SEMA6D: variants seen among roughly 807,000 people sequenced by gnomAD.
The protein encoded by SEMA6D is semaphorin-6D.
Under a neutral mutation model 106.6 loss-of-function variants are expected in SEMA6D, and 35 were observed. That is an observed-to-expected ratio of 0.33 (90% CI 0.25 to 0.44). The LOEUF (loss-of-function observed/expected upper bound fraction) is 0.44. Among genes scored for constraint, SEMA6D ranks in the 20% least tolerant of loss-of-function variants. The pLI, the probability that SEMA6D is intolerant of heterozygous loss-of-function variation, is 1.00. For synonymous variants in SEMA6D, 499 were observed against 487.7 expected (o/e 1.02, Z -0.31); for missense variants, 1,185 against 1,345.9 (o/e 0.88, Z 1.87).
intron 2 of SEMA6D, among the ~76,000 whole-genome samples, chr15:47,447,105 C>T (rs554328569): frequency 1.3e-5 from 2 of 152,136 alleles, no homozygotes; most frequent in Non-Finnish European, 2.9e-5. Flanking sequence ...TGGGCACGTG[C>T]TCTCCTCCAG....
At chr15:47,255,410 A>AT (rs574320275) in intron 1 of SEMA6D, among the ~76,000 whole-genome samples, 151 of 150,980 alleles carry the variant, frequency 1.0e-3, no homozygotes, top group South Asian at 1.9e-3. Context: ...ATTGATCTTT[A>AT]TTTTTTTAAT....
intron 1 of SEMA6D, among the ~76,000 whole-genome samples, chr15:47,749,207 G>A (rs1032616284): frequency 4.0e-5 from 6 of 150,750 alleles, no homozygotes; most frequent in Admixed American, 6.6e-5. Flanking sequence ...TCAGCCTTCC[G>A]AGTAGCTGGG....
chr15:47,315,157 C>T (rs182963838), intron 1 of SEMA6D, among the ~76,000 whole-genome samples: 4 of 152,202 alleles, frequency 2.6e-5, no homozygotes, highest in East Asian at 1.9e-4. Context: ...TGAGCCACCG[C>T]GCCCGGCCCT....
chr15:47,666,426 A>G (rs549153834), intron 4 of SEMA6D, among the ~76,000 whole-genome samples: 1 of 152,300 alleles, frequency 6.6e-6, no homozygotes, highest in Non-Finnish European at 1.5e-5. Context: ...TGAAGGGATA[A>G]TCTCCTGCTT....
intron 4 of SEMA6D, among the ~76,000 whole-genome samples, chr15:47,643,987 CAT>C (rs1309824708): frequency 6.6e-6 from 1 of 152,180 alleles, no homozygotes; most frequent in East Asian, 1.9e-4. Context: ...TTAGCTCCCA[CAT>C]ATGAGTGAGA....
At chr15:47,445,825 A>G (rs1258822214) in intron 2 of SEMA6D, among the ~76,000 whole-genome samples, 2 of 152,040 alleles carry the variant, frequency 1.3e-5, no homozygotes, top group African/African-American at 4.8e-5. Flanking sequence ...TTCACGCTCC[A>G]TATCTGTGAC....
At chr15:47,252,771 C>T (rs1313289808) in intron 1 of SEMA6D, among the ~76,000 whole-genome samples, 1 of 152,092 alleles carries the variant, frequency 6.6e-6, no homozygotes, top group Non-Finnish European at 1.5e-5. Flanking sequence ...TGTATATATG[C>T]CACATTTTCT....
At chr15:47,273,583 C>T (rs1292685902) in intron 1 of SEMA6D, among the ~76,000 whole-genome samples, 1 of 152,142 alleles carries the variant, frequency 6.6e-6, no homozygotes, top group Non-Finnish European at 1.5e-5. Flanking sequence ...AGAATTCTAT[C>T]CTTAGCCGGA....
chr15:47,513,199 C>T (rs1477978002), intron 3 of SEMA6D, among the ~76,000 whole-genome samples: 16 of 151,782 alleles, frequency 1.1e-4, no homozygotes, highest in Admixed American at 1.0e-3. Context: ...AAAAAGTGGC[C>T]CCCATCATCT....
intron 1 of SEMA6D, among the ~76,000 whole-genome samples, chr15:47,230,740 T>C (rs181663866): frequency 2.6e-5 from 4 of 152,094 alleles, no homozygotes; most frequent in Admixed American, 2.6e-4. Context: ...GAGAAAGGGA[T>C]GAGAAACTGC....
rs891889859 is a variant in SEMA6D at position 47,765,132 on chromosome 15, T to A, written c.1427+76T>A. 7.1e-6 allele frequency: 11 copies of A among 1,548,932 alleles called. No homozygotes were observed. The African/African-American group carries it at 1.2e-4, about 17-fold the overall frequency. On this transcript the variant is annotated intron_variant, in intron 13 of 18. Coordinates refer to ENST00000536845, the MANE Select transcript of SEMA6D (RefSeq NM_001358351.3). ...CATGTATTTCATCTAGTCATGTCCT[T>A]TTGGTCCTCTAAATTAGCAGTGGTT...
At chr15:47,673,855 G>A (rs1257476261) in intron 4 of SEMA6D, among the ~76,000 whole-genome samples, 5 of 152,310 alleles carry the variant, frequency 3.3e-5, no homozygotes, top group African/African-American at 1.2e-4. Context: ...CTCTGCAGGA[G>A]GAGTAATGCT....
chr15:47,360,320 G>T (rs2038756877), intron 1 of SEMA6D, among the ~76,000 whole-genome samples: 1 of 152,168 alleles, frequency 6.6e-6, no homozygotes. Flanking sequence ...TAGCAGATAA[G>T]CATAAGTCTA....
intron 1 of SEMA6D, among the ~76,000 whole-genome samples, chr15:47,294,918 GAAC>G (rs2035745154): frequency 2.4e-5 from 1 of 41,596 alleles, no homozygotes; most frequent in Non-Finnish European, 2.3e-4. Context: ...GCTCAGTCTG[GAAC>G]AAAATCTGAA....
intron 1 of SEMA6D, among the ~76,000 whole-genome samples, chr15:47,346,510 C>G (rs1010567561): frequency 6.6e-6 from 1 of 152,084 alleles, no homozygotes; most frequent in African/African-American, 2.4e-5. Flanking sequence ...GCTGAGATGA[C>G]TGGAAGTTCA....
At chr15:47,274,709 C>G (rs2034718147) in intron 1 of SEMA6D, 1 of 152,290 alleles carries the variant, frequency 6.6e-6, no homozygotes, top group Admixed American at 6.6e-5. Context: ...CACTCTCTGC[C>G]TCACCTCTTC....
chr15:47,253,993 A>G (rs938183018), intron 1 of SEMA6D, among the ~76,000 whole-genome samples: 1 of 151,964 alleles, frequency 6.6e-6, no homozygotes, highest in Non-Finnish European at 1.5e-5. Context: ...AGCATTGAGA[A>G]TCTTTCTATC....
chr15:47,393,482 T>G (rs1331750863), intron 1 of SEMA6D: 1 of 152,182 alleles, frequency 6.6e-6, no homozygotes, highest in Non-Finnish European at 1.5e-5. Flanking sequence ...ACAAGAGCCA[T>G]TATCTGTTGG....
intron 3 of SEMA6D, among the ~76,000 whole-genome samples, chr15:47,496,293 C>T (rs191423483): frequency 1.2e-3 from 184 of 152,172 alleles, no homozygotes; most frequent in African/African-American, 4.1e-3. Context: ...AAGCAGGGGC[C>T]ATTCAACCAC....
Sources: gnomAD v4.1 joint callset for allele counts (sites outside exome capture counted in the v4.1 genomes callset) on GRCh38, gnomAD v4.1.1 for gene constraint, MANE v1.5 for transcripts, NCBI Gene and HGNC (gene_info 2026-07-23, HGNC 2026-07-21) for gene names.